The following ELP4 variants were observed in gnomAD, a reference collection of about 807,000 sequenced individuals.
ELP4 encodes elongator acetyltransferase complex subunit 4.
A neutral mutation model predicts 48.9 loss-of-function variants in ELP4; 51 were observed. The ratio of observed to expected loss-of-function variants is 1.04; its 90% CI spans 0.83 to 1.32. The LOEUF is 1.32. Among genes scored for constraint, ELP4 ranks in the 40% most tolerant of loss-of-function variants. The probability of loss-of-function intolerance (pLI) is 0.00; values close to 1 mark genes in which losing one functional copy is unlikely to be tolerated. For synonymous variants in ELP4, 210 were observed against 189.2 expected (o/e 1.11, Z -0.90); for missense variants, 519 against 514.6 (o/e 1.01, Z -0.08).
intron 9 of ELP4, among the ~76,000 whole-genome samples, chr11:31,724,471 G>A (rs1053881753): frequency 6.6e-6 from 1 of 152,210 alleles, no homozygotes; most frequent in Admixed American, 6.5e-5. Flanking sequence ...CTAAAGCCAT[G>A]TCTCCAAAAT....
intron 5 of ELP4, among the ~76,000 whole-genome samples, chr11:31,622,807 G>GT (rs1311092969): frequency 2.6e-5 from 4 of 151,394 alleles, no homozygotes; most frequent in Non-Finnish European, 5.9e-5. Context: ...TTTTATCCAT[G>GT]TTTATATATT....
intron 3 of ELP4, among the ~76,000 whole-genome samples, chr11:31,589,683 A>G (rs763191370): frequency 2.4e-4 from 36 of 152,300 alleles, no homozygotes; most frequent in Non-Finnish European, 3.8e-4. Context: ...GACAAGTTCT[A>G]TAGTAGTATA....
At chr11:31,719,578 T>A in intron 9 of ELP4, 1 of 398,038 alleles carries the variant, frequency 2.5e-6, no homozygotes, top group Non-Finnish European at 4.4e-6. Context: ...AAGTATTATC[T>A]GATACATACA....
Position 31,783,646 on chromosome 11 carries a change from A to G in ELP4, c.*122A>G, listed in dbSNP as rs1948429593. 1 of 900,504 alleles carries G rather than the reference A, an allele frequency of 1.1e-6. No individual in the cohort carries two copies. Among genetic ancestry groups the G allele is most frequent in the African/African-American group, 1.7e-5 (1 of 59,292 alleles). 55.8% of individuals were successfully genotyped at this position (900,504 alleles called of 1,614,324 possible). A position where few individuals can be genotyped will look rare whatever the true frequency, so the allele number is the denominator to read the frequency against. On this transcript the variant is annotated 3_prime_UTR_variant, in exon 10 of 10. Coordinates refer to ENST00000640961, the MANE Select transcript of ELP4 (RefSeq NM_019040.5). ...CACTCCTTGAAAAACACAGGATTATAAAATGGTGCCGCCATTTCTCATTTT... is the reference window on the plus strand; with the variant it reads ...CACTCCTTGAAAAACACAGGATTATGAAATGGTGCCGCCATTTCTCATTTT...
At chr11:31,644,793 C>T (rs1945169007) in intron 7 of ELP4, among the ~76,000 whole-genome samples, 1 of 151,700 alleles carries the variant, frequency 6.6e-6, no homozygotes. Flanking sequence ...TAATCTATAA[C>T]AATTTTTTTA....
intron 9 of ELP4, among the ~76,000 whole-genome samples, chr11:31,694,321 G>T (rs535231326): frequency 4.2e-4 from 64 of 152,122 alleles, no homozygotes; most frequent in South Asian, 1.5e-3. Flanking sequence ...CTTTAATCCA[G>T]CTTGAATTAA....
chr11:31,714,595 G>T, intron 9 of ELP4: 1 of 398,324 alleles, frequency 2.5e-6, no homozygotes, highest in South Asian at 1.3e-4. Context: ...TTAGTGGGTT[G>T]AACAATACAA....
chr11:31,595,012 G>C (rs1957648184), intron 4 of ELP4, 111 bp downstream of exon 4: 1 of 849,482 alleles, frequency 1.2e-6, no homozygotes, highest in Non-Finnish European at 1.7e-6. Context: ...AGAATTAGCT[G>C]TTTCATTTGT....
At chr11:31,649,546 G>T (rs906373963) in intron 8 of ELP4, 5 of 151,708 alleles carry the variant, frequency 3.3e-5, no homozygotes, top group African/African-American at 1.2e-4. Flanking sequence ...GGTCTAACAT[G>T]CCATAGAAAT....
chr11:31,563,034 A>C (rs560331805), intron 3 of ELP4, among the ~76,000 whole-genome samples: 1 of 152,278 alleles, frequency 6.6e-6, no homozygotes, highest in East Asian at 1.9e-4. Context: ...CTTTCAGAAA[A>C]TAAAAGTTGC....
chr11:31,671,196 C>A (rs994804717), intron 9 of ELP4, among the ~76,000 whole-genome samples: 42 of 152,130 alleles, frequency 2.8e-4, no homozygotes, highest in Admixed American at 2.7e-3. Flanking sequence ...AAAATGGTTT[C>A]TTTGCTTACA....
At chr11:31,769,701 G>A (rs1279489922) in intron 9 of ELP4, among the ~76,000 whole-genome samples, 2 of 152,068 alleles carry the variant, frequency 1.3e-5, no homozygotes, top group Non-Finnish European at 2.9e-5. Context: ...ATAGTAAGAA[G>A]CAAACATTAG....
At chr11:31,591,304 G>A (rs1004663014) in intron 3 of ELP4, among the ~76,000 whole-genome samples, 1 of 151,052 alleles carries the variant, frequency 6.6e-6, no homozygotes, top group South Asian at 2.1e-4. Flanking sequence ...TACTCAGGAG[G>A]CTGAGGCAAG....
At chr11:31,661,217 A>C (rs1290032489) in intron 9 of ELP4, among the ~76,000 whole-genome samples, 1 of 152,064 alleles carries the variant, frequency 6.6e-6, no homozygotes, top group Non-Finnish European at 1.5e-5. Flanking sequence ...AATACCTTCT[A>C]GGATTAACAA....
chr11:31,717,874 A>G (rs2134181513), intron 9 of ELP4, among the ~76,000 whole-genome samples: 2 of 152,292 alleles, frequency 1.3e-5, no homozygotes, highest in Middle Eastern at 6.8e-3. Context: ...ACATCATCAT[A>G]GTGCTTCTGT....
At chr11:31,524,399 C>T (rs573224548) in intron 2 of ELP4, among the ~76,000 whole-genome samples, 2 of 152,344 alleles carry the variant, frequency 1.3e-5, no homozygotes, top group South Asian at 4.1e-4. Flanking sequence ...CATAGGGCAT[C>T]TCACAAGATG....
At position 31,586,803 on chromosome 11, in the gene ELP4, C is replaced by G. The variant is rs181638097; in HGVS notation, c.382-7967C>G. On this transcript the variant is annotated intron_variant, in intron 3 of 9. Transcript: ENST00000640961. Reference sequence around the variant, plus strand: ...GACTACAGGCACCGGCCACCACGCCCGGCTAATTTTGTATTTTTAGTAGAG... The same window carrying G: ...GACTACAGGCACCGGCCACCACGCCGGGCTAATTTTGTATTTTTAGTAGAG... Among the ~76,000 whole-genome samples the G allele has an allele frequency of 1.3e-4, 20 of 152,044 alleles. No homozygotes were observed. In the East Asian group the frequency reaches 3.7e-3, roughly 28 times the overall value.
At chr11:31,729,547 C>T (rs1246027722) in intron 9 of ELP4, among the ~76,000 whole-genome samples, 1 of 152,132 alleles carries the variant, frequency 6.6e-6, no homozygotes, top group Non-Finnish European at 1.5e-5. Flanking sequence ...TTGTTAAACG[C>T]TTCTAACACC....
At chr11:31,651,541 A>G (rs559573205) in intron 9 of ELP4, 2 of 151,892 alleles carry the variant, frequency 1.3e-5, no homozygotes, top group African/African-American at 2.4e-5. Flanking sequence ...GTGGAACCCA[A>G]CACTGTAATT....
Sources: gnomAD v4.1 joint callset for allele counts (sites outside exome capture counted in the v4.1 genomes callset) on GRCh38, gnomAD v4.1.1 for gene constraint, MANE v1.5 for transcripts, NCBI Gene and HGNC (gene_info 2026-07-23, HGNC 2026-07-21) for gene names.